ZNF385D: variants seen among roughly 807,000 people sequenced by gnomAD.
The protein encoded by ZNF385D is zinc finger protein 659.
A neutral mutation model predicts 35.8 loss-of-function variants in ZNF385D; 15 were observed. That is an observed-to-expected ratio of 0.42 (90% confidence interval 0.28 to 0.64). The LOEUF (loss-of-function observed/expected upper bound fraction) is 0.64. Ranked by LOEUF, ZNF385D falls within the 30% of genes least tolerant of loss-of-function variation. The probability of loss-of-function intolerance (pLI) is 0.23; values close to 1 mark genes in which losing one functional copy is unlikely to be tolerated. For synonymous variants in ZNF385D, 212 were observed against 186.8 expected (o/e 1.13, Z -1.10); for missense variants, 474 against 494.6 (o/e 0.96, Z 0.39).
intron 2 of ZNF385D, among the ~76,000 whole-genome samples, chr3:21,602,565 G>T (rs967824946): frequency 1.9e-5 from 2 of 103,928 alleles, no homozygotes; most frequent in Non-Finnish European, 3.6e-5. Context: ...TTGCTCTGTC[G>T]CCCAGGCCGG....
chr3:21,859,673 A>ATT (rs3884133), intron 3 of ZNF385D, among the ~76,000 whole-genome samples: 77,914 of 146,798 alleles, frequency 0.53, 20,674 homozygotes, highest in Non-Finnish European at 0.55. Flanking sequence ...CTCCAAAGGC[A>ATT]TTTTTTTTTT....
intron 3 of ZNF385D, among the ~76,000 whole-genome samples, chr3:21,794,355 C>T (rs1166724105): frequency 1.3e-5 from 2 of 152,034 alleles, no homozygotes; most frequent in African/African-American, 4.8e-5. Context: ...GCCTCTGAGC[C>T]ACCTCTCCTC....
chr3:21,621,865 CTGTGTGTG>C (rs10580512), intron 2 of ZNF385D, among the ~76,000 whole-genome samples: 37 of 146,248 alleles, frequency 2.5e-4, no homozygotes, highest in South Asian at 1.1e-3. Context: ...CCTGTTACCA[CTGTGTGTG>C]TGTGTGTGTG....
At chr3:22,077,008 T>C (rs9845284) in intron 3 of ZNF385D, among the ~76,000 whole-genome samples, 6,224 of 151,998 alleles carry the variant, frequency 0.041, 407 homozygotes, top group African/African-American at 0.14. Flanking sequence ...ACTCTTTGGT[T>C]AGAGGCCATG....
In ZNF385D at chr3:22,317,240, G is replaced by A. The variant is rs550166804; in HGVS notation, c.106+55210C>T. Among the ~76,000 whole-genome samples, 147 of 111,230 alleles carry A rather than the reference G, an allele frequency of 1.3e-3. No homozygotes were observed. The Middle Eastern group carries it at 0.052, about 39-fold the overall frequency. The allele number at this position is 111,230 out of a possible 152,430, so 73.0% of individuals were successfully genotyped here. On this transcript the variant is annotated intron_variant, in intron 2 of 5. Transcript: ENST00000494108. The stretch of plus-strand genomic sequence containing the variant: ...TGCAGTGAGCCAAGATCGCGCTATT[G>A]CACACTCCAGCCTGGGAAACAAGAG...
At chr3:21,792,048 T>C (rs1400890350) in intron 3 of ZNF385D, among the ~76,000 whole-genome samples, 1 of 152,184 alleles carries the variant, frequency 6.6e-6, no homozygotes, top group Non-Finnish European at 1.5e-5. Flanking sequence ...CATTTTTATA[T>C]TCTATTTGGT....
intron 3 of ZNF385D, among the ~76,000 whole-genome samples, chr3:21,833,824 A>C (rs750976852): frequency 1.3e-5 from 2 of 152,178 alleles, no homozygotes; most frequent in African/African-American, 4.8e-5. Context: ...TCTATCTTCC[A>C]TGTAATTATT....
chr3:22,314,865 C>T (rs561925721), intron 2 of ZNF385D, among the ~76,000 whole-genome samples: 3 of 151,956 alleles, frequency 2.0e-5, no homozygotes, highest in African/African-American at 7.3e-5. Flanking sequence ...GTCAGCCCCC[C>T]AAAAAACCAA....
intron 3 of ZNF385D, among the ~76,000 whole-genome samples, chr3:21,541,400 C>T (rs2062172752): frequency 6.6e-6 from 1 of 152,104 alleles, no homozygotes; most frequent in African/African-American, 2.4e-5. Flanking sequence ...ATTTTTTCTA[C>T]ATAGACATTT....
intron 3 of ZNF385D, among the ~76,000 whole-genome samples, chr3:21,758,985 A>AAAAAAC (rs1328759542): frequency 1.4e-5 from 2 of 144,066 alleles, no homozygotes; most frequent in Admixed American, 6.8e-5. Context: ...CAAAAAAAAA[A>AAAAAAC]AAAAAAAAAA....
At position 21,465,358 on chromosome 3, in the gene ZNF385D, C is replaced by A. The variant is rs1446054515; in HGVS notation, c.440-28155G>T. Among the ~76,000 whole-genome samples the A allele has an allele frequency of 6.6e-6, 1 of 152,098 alleles. No homozygotes were observed. The highest frequency in any genetic ancestry group is 2.4e-5 in the African/African-American group (1 of 41,388). ...CACTGAATATTTTGGTCTAACAAAG[C>A]CATATATAATCCCAATTAATTTGAA... On this transcript the variant is annotated intron_variant, in intron 4 of 7. Coordinates refer to ENST00000281523, the MANE Select transcript of ZNF385D (RefSeq NM_024697.3). The surrounding 1 kb of genome is among the most constrained non-coding windows in gnomAD (Gnocchi z 4.2).
chr3:21,972,821 C>T (rs935663094), intron 3 of ZNF385D, among the ~76,000 whole-genome samples: 2 of 151,570 alleles, frequency 1.3e-5, no homozygotes, highest in Admixed American at 6.6e-5. Flanking sequence ...AATTGGAAAA[C>T]GTAAAAGAAT....
At chr3:22,143,640 GATTT>G (rs1361220596) in intron 3 of ZNF385D, among the ~76,000 whole-genome samples, 25 of 151,830 alleles carry the variant, frequency 1.6e-4, no homozygotes, top group African/African-American at 5.1e-4. Flanking sequence ...TGGCCTTTTA[GATTT>G]ATTAAACTTT....
intron 1 of ZNF385D, among the ~76,000 whole-genome samples, chr3:21,668,619 A>C (rs1480427737): frequency 6.6e-6 from 1 of 152,182 alleles, no homozygotes; most frequent in Non-Finnish European, 1.5e-5. Context: ...TGAGGCACGA[A>C]ATCGAAGCTA....
chr3:22,219,873 T>C (rs1055678481), intron 2 of ZNF385D, among the ~76,000 whole-genome samples: 1 of 152,132 alleles, frequency 6.6e-6, no homozygotes, highest in African/African-American at 2.4e-5. Flanking sequence ...CTTGGAATTG[T>C]AGATAAACAA....
chr3:22,021,528 G>A (rs758687976), intron 3 of ZNF385D, among the ~76,000 whole-genome samples: 1 of 152,026 alleles, frequency 6.6e-6, no homozygotes, highest in African/African-American at 2.4e-5. Context: ...TTATGCCTTT[G>A]AGTAAGTTGC....
At chr3:22,298,452 T>G (rs1702719076) in intron 2 of ZNF385D, among the ~76,000 whole-genome samples, 1 of 125,018 alleles carries the variant, frequency 8.0e-6, no homozygotes, top group East Asian at 2.1e-4. Flanking sequence ...ATAAAATATT[T>G]ATATATAATA....
intron 3 of ZNF385D, among the ~76,000 whole-genome samples, chr3:21,922,588 CAGA>C (rs1700524839): frequency 6.6e-6 from 1 of 152,102 alleles, no homozygotes; most frequent in Non-Finnish European, 1.5e-5. Flanking sequence ...TAGTCATAGG[CAGA>C]AGAATAAAAC....
intron 2 of ZNF385D, among the ~76,000 whole-genome samples, chr3:21,580,547 C>T (rs983017665): frequency 1.3e-5 from 2 of 151,974 alleles, no homozygotes; most frequent in Non-Finnish European, 2.9e-5. Flanking sequence ...ACATTTTTTT[C>T]TTGCTTTACT....
Sources: gnomAD v4.1 joint callset for allele counts (sites outside exome capture counted in the v4.1 genomes callset) on GRCh38, gnomAD v4.1.1 for gene constraint, Gnocchi (gnomAD v3.1) non-coding constraint, MANE v1.5 for transcripts, NCBI Gene and HGNC (gene_info 2026-07-23, HGNC 2026-07-21) for gene names.